GABRA3: variants seen among roughly 807,000 people sequenced by gnomAD.
The protein encoded by GABRA3 is gamma-aminobutyric acid type A receptor subunit alpha3.
A neutral mutation model predicts 30.1 loss-of-function variants in GABRA3; 10 were observed. The observed-to-expected ratio is 0.33, with a 90% confidence interval of 0.20 to 0.56. GABRA3 has a LOEUF of 0.56. Ranked by LOEUF, GABRA3 falls within the 20% of genes least tolerant of loss-of-function variation. GABRA3 has a pLI of 0.89. For missense variants in GABRA3, 233 were observed against 392.0 expected (o/e 0.59, Z 3.42); for synonymous variants, 151 against 146.8 (o/e 1.03, Z -0.21).
intron 1 of GABRA3, among the ~76,000 whole-genome samples, chrX:152,402,674 A>G (rs1212518385): frequency 9.0e-6 from 1 of 111,678 alleles, no homozygotes; most frequent in Non-Finnish European, 1.9e-5. Flanking sequence ...AAAGATATAC[A>G]ACAGATATGG....
chrX:152,390,996 A>G (rs1929467429), intron 1 of GABRA3, among the ~76,000 whole-genome samples: 1 of 111,625 alleles, frequency 9.0e-6, no homozygotes, highest in African/African-American at 3.3e-5. Context: ...TAATGGCTAT[A>G]TTGCTGATAG....
At chrX:152,176,245 T>C (rs950663164) in intron 9 of GABRA3, among the ~76,000 whole-genome samples, 1 of 110,772 alleles carries the variant, frequency 9.0e-6, no homozygotes, top group Non-Finnish European at 1.9e-5. Flanking sequence ...AATAATGGAA[T>C]TTGATCTAAA....
intron 3 of GABRA3, among the ~76,000 whole-genome samples, chrX:152,289,580 A>C (rs1364323171): frequency 9.1e-6 from 1 of 110,077 alleles, no homozygotes; most frequent in Non-Finnish European, 1.9e-5. Context: ...GGTTTGTTAC[A>C]TAGGCATACA....
intron 1 of GABRA3, among the ~76,000 whole-genome samples, chrX:152,436,472 T>C (rs989181170): frequency 3.6e-5 from 4 of 111,383 alleles, no homozygotes; most frequent in Admixed American, 9.6e-5. Context: ...GGGGGGAATA[T>C]TGCCCCAGTT....
intron 1 of GABRA3, among the ~76,000 whole-genome samples, chrX:152,370,712 T>A (rs1489673028): frequency 9.0e-6 from 1 of 111,508 alleles, no homozygotes; most frequent in Non-Finnish European, 1.9e-5. Context: ...CTCAGCTCTA[T>A]CCTAATCCAT....
At chrX:152,197,400 C>G (rs867974467) in intron 8 of GABRA3, among the ~76,000 whole-genome samples, 35 of 111,454 alleles carry the variant, frequency 3.1e-4, no homozygotes, top group African/African-American at 1.1e-3. Context: ...TTGGGGCAAG[C>G]AGGACTGAAA....
intron 1 of GABRA3, among the ~76,000 whole-genome samples, chrX:152,373,839 C>T (rs1928912432): frequency 9.4e-6 from 1 of 106,341 alleles, no homozygotes; most frequent in African/African-American, 3.5e-5. Context: ...CAAGTGTCCT[C>T]ATTGTTCAAT....
chrX:152,415,454 G>A (rs1032699314), intron 1 of GABRA3, among the ~76,000 whole-genome samples: 3 of 111,356 alleles, frequency 2.7e-5, no homozygotes, highest in Admixed American at 9.6e-5. Context: ...TTCATGGAAA[G>A]AGACAGGGAC....
chrX:152,241,624 T>G (rs1315400696), intron 5 of GABRA3, among the ~76,000 whole-genome samples: 1 of 109,519 alleles, frequency 9.1e-6, no homozygotes, highest in Non-Finnish European at 1.9e-5. Flanking sequence ...CTTTGCAGTT[T>G]GATCTCAGAC....
Position 152,345,604 on chromosome X carries a change from T to C in GABRA3, c.239A>G (p.Asn80Ser). Residue 80 changes from asparagine to serine, a missense_variant, in exon 3 of 10, where the codon AAC (asparagine) becomes AGC (serine). Physicochemically the swap from Asn to Ser is conservative, Grantham distance 46 (BLOSUM62 1). Transcript: ENST00000370314. ...ILDRLLDGYD[N>S]RLRPGLGDAV... Reference sequence around the variant, plus strand: ...ACCTCCAAGCCCAGGTCGCAGCCGGTTGTCATAGCCGTCCAGAAGACGATC... The same window carrying C: ...ACCTCCAAGCCCAGGTCGCAGCCGGCTGTCATAGCCGTCCAGAAGACGATC... The C allele has an allele frequency of 1.7e-6, 2 of 1,208,957 alleles. No individual in the cohort carries two copies. Among genetic ancestry groups the C allele is most frequent in the Non-Finnish European group, 2.2e-6 (2 of 894,384 alleles).
intron 3 of GABRA3, among the ~76,000 whole-genome samples, chrX:152,297,742 A>G (rs1436389513): frequency 8.9e-6 from 1 of 112,400 alleles, no homozygotes; most frequent in Non-Finnish European, 1.9e-5. Context: ...ATATTCTATA[A>G]TAGGAGGAAA....
At chrX:152,429,766 C>T (rs1930609484) in intron 1 of GABRA3, among the ~76,000 whole-genome samples, 1 of 111,966 alleles carries the variant, frequency 8.9e-6, no homozygotes, top group South Asian at 3.8e-4. Flanking sequence ...CCTGAGGTAA[C>T]CATTGCCACT....
At chrX:152,416,537 G>T (rs911865228) in intron 1 of GABRA3, among the ~76,000 whole-genome samples, 15 of 110,235 alleles carry the variant, frequency 1.4e-4, no homozygotes, top group African/African-American at 5.0e-4. Context: ...AAGTTCATAT[G>T]GAACCAAAAA....
At chrX:152,405,389 T>C (rs1194432337) in intron 1 of GABRA3, among the ~76,000 whole-genome samples, 2 of 107,660 alleles carry the variant, frequency 1.9e-5, no homozygotes, top group Non-Finnish European at 3.8e-5. Context: ...CCAAATAAAC[T>C]TAAGTGACTG....
intron 1 of GABRA3, among the ~76,000 whole-genome samples, chrX:152,381,475 G>A (rs773581249): frequency 9.6e-4 from 107 of 111,139 alleles, no homozygotes; most frequent in African/African-American, 3.3e-3. Flanking sequence ...TCAGATGCAT[G>A]GTTTGTAAAT....
chrX:152,349,338 C>T (rs780880939), intron 2 of GABRA3, among the ~76,000 whole-genome samples: 123 of 110,709 alleles, frequency 1.1e-3, no homozygotes, highest in African/African-American at 3.8e-3. Flanking sequence ...CCGGTACCAG[C>T]CGCTGCAAAA....
At chrX:152,316,127 C>T (rs1468838336) in intron 3 of GABRA3, among the ~76,000 whole-genome samples, 1 of 109,621 alleles carries the variant, frequency 9.1e-6, no homozygotes, top group Admixed American at 9.8e-5. Flanking sequence ...ACTCCGCTGC[C>T]ACCTCCACTG....
chrX:152,199,808 C>T (rs1937455569), intron 7 of GABRA3, among the ~76,000 whole-genome samples: 1 of 108,198 alleles, frequency 9.2e-6, no homozygotes, highest in Non-Finnish European at 1.9e-5. Flanking sequence ...CTCTCACTTG[C>T]TCTCCTTCCC....
chrX:152,228,883 C>T (rs1403343805), intron 5 of GABRA3, among the ~76,000 whole-genome samples: 1 of 111,171 alleles, frequency 9.0e-6, no homozygotes, highest in Non-Finnish European at 1.9e-5. Flanking sequence ...CATTTAACAA[C>T]ATCAGGGATT....
Sources: gnomAD v4.1 joint callset for allele counts (sites outside exome capture counted in the v4.1 genomes callset) on GRCh38, gnomAD v4.1.1 for gene constraint, MANE v1.5 for transcripts, NCBI Gene and HGNC (gene_info 2026-07-23, HGNC 2026-07-21) for gene names.